The following ANKRD55 variants were observed in gnomAD, a reference collection of about 807,000 sequenced individuals.
ANKRD55 encodes ankyrin repeat domain-containing protein 55.
A neutral mutation model predicts 60.6 loss-of-function variants in ANKRD55; 41 were observed. The ratio of observed to expected loss-of-function variants is 0.68; its 90% CI spans 0.53 to 0.88. The LOEUF (loss-of-function observed/expected upper bound fraction) is 0.88, where lower values mean the gene tolerates loss of function less well. ANKRD55 is among the 40% of genes least tolerant of loss of function. ANKRD55 has a pLI of 0.00. For synonymous variants in ANKRD55, 264 were observed against 290.3 expected (o/e 0.91, Z 0.92); for missense variants, 732 against 767.6 (o/e 0.95, Z 0.55).
chr5:56,162,145 CT>C, intron 5 of ANKRD55: 1 of 478,318 alleles, frequency 2.1e-6, no homozygotes, highest in African/African-American at 2.1e-5. Flanking sequence ...TTGGTTACTC[CT>C]GAGCAGACAG....
At chr5:56,188,240 G>A (rs1362657049) in intron 2 of ANKRD55, among the ~76,000 whole-genome samples, 1 of 152,086 alleles carries the variant, frequency 6.6e-6, no homozygotes, top group East Asian at 1.9e-4. Flanking sequence ...GGGTTGTCGA[G>A]AACAATACTG....
intron 8 of ANKRD55, among the ~76,000 whole-genome samples, chr5:56,122,229 C>T (rs1267485268): frequency 6.6e-6 from 1 of 152,166 alleles, no homozygotes; most frequent in Non-Finnish European, 1.5e-5. Context: ...AGGCAGTTGC[C>T]AGCAGGAGAT....
chr5:56,141,818 A>G (rs1757777864), intron 7 of ANKRD55, among the ~76,000 whole-genome samples: 1 of 152,154 alleles, frequency 6.6e-6, no homozygotes, highest in Non-Finnish European at 1.5e-5. Context: ...AATAAAAATG[A>G]CCATTTCGTC....
intron 11 of ANKRD55, 39 bp downstream of exon 11, chr5:56,102,455 C>A: frequency 2.2e-6 from 3 of 1,375,938 alleles, no homozygotes; most frequent in Non-Finnish European, 3.1e-6. Context: ...GATATGTTAA[C>A]ACTTGCAAAG....
chr5:56,136,622 T>A (rs1226090558), intron 7 of ANKRD55, among the ~76,000 whole-genome samples: 1 of 152,072 alleles, frequency 6.6e-6, no homozygotes, highest in Non-Finnish European at 1.5e-5. Context: ...CAGACCTAAA[T>A]GTAAAACCTA....
chr5:56,195,437 T>C (rs1759206896), intron 2 of ANKRD55, among the ~76,000 whole-genome samples: 2 of 152,074 alleles, frequency 1.3e-5, no homozygotes, highest in Non-Finnish European at 2.9e-5. Context: ...TACTCTGCTG[T>C]TTAGCTAAAC....
At chr5:56,193,560 C>A in intron 2 of ANKRD55, 1 of 371,540 alleles carries the variant, frequency 2.7e-6, no homozygotes, top group South Asian at 3.6e-5. Flanking sequence ...ATCAAGCTAC[C>A]TTACCTGAAA....
intron 2 of ANKRD55, among the ~76,000 whole-genome samples, chr5:56,203,905 C>T (rs1215639415): frequency 2.6e-5 from 4 of 151,936 alleles, no homozygotes; most frequent in African/African-American, 4.8e-5. Flanking sequence ...CCTGAGGAAT[C>T]GCCACACTGA....
chr5:56,189,857 T>C (rs539662465), intron 2 of ANKRD55, among the ~76,000 whole-genome samples: 1 of 152,340 alleles, frequency 6.6e-6, no homozygotes, highest in East Asian at 1.9e-4. Context: ...AATTGCTAGA[T>C]CATGTGATAA....
intron 2 of ANKRD55, among the ~76,000 whole-genome samples, chr5:56,211,568 T>C (rs543931918): frequency 3.3e-5 from 5 of 152,350 alleles, no homozygotes; most frequent in African/African-American, 1.2e-4. Context: ...TCCCGCCCTC[T>C]GACCCCTGTG....
intron 6 of ANKRD55, among the ~76,000 whole-genome samples, chr5:56,150,495 T>C (rs1758013933): frequency 6.6e-6 from 1 of 151,652 alleles, no homozygotes; most frequent in Admixed American, 6.6e-5. Flanking sequence ...TCCCAGCTAC[T>C]TGGGAGGCTG....
intron 7 of ANKRD55, among the ~76,000 whole-genome samples, chr5:56,137,807 A>G (rs1385310650): frequency 2.0e-5 from 3 of 152,250 alleles, no homozygotes; most frequent in Admixed American, 6.5e-5. Context: ...CAAAATATGC[A>G]AAGAACTCCT....
Position 56,134,256 on chromosome 5 carries a change from A to G in ANKRD55, c.613-7150T>C, listed in dbSNP as rs1441200532. 1.7e-5 allele frequency among the ~76,000 whole-genome samples: 2 copies of G among 115,862 alleles called. 1 individual carries two copies. Among genetic ancestry groups the G allele is most frequent in the Non-Finnish European group, 4.1e-5 (2 of 48,798 alleles). 76.0% of individuals were successfully genotyped at this position (115,862 alleles called of 152,430 possible). A position where few individuals can be genotyped will look rare whatever the true frequency, so the allele number is the denominator to read the frequency against. ...CCAAAACACCCACAAGGAGAAATAGATAATCTGAATACGTTTATGTCTATT... is the reference window on the plus strand; with the variant it reads ...CCAAAACACCCACAAGGAGAAATAGGTAATCTGAATACGTTTATGTCTATT... On this transcript the variant is annotated intron_variant, in intron 7 of 11. Transcript: ENST00000341048.
rs142791977 is a variant in ANKRD55 at position 56,221,686 on chromosome 5, C to A, written c.58+11170G>T. On this transcript the variant is annotated intron_variant, in intron 2 of 11. Transcript: ENST00000341048. ...TCCAACCATCTTAGCAAATGGCACA[C>A]CAGGAGATTATATCCCGTGCCTAGC... Among the ~76,000 whole-genome samples the A allele has an allele frequency of 1.7e-3, 253 of 152,372 alleles. 1 individual carries two copies. Among genetic ancestry groups the A allele is most frequent in the Middle Eastern group, 6.8e-3 (2 of 294 alleles).
chr5:56,205,237 T>G (rs535931329), intron 2 of ANKRD55, among the ~76,000 whole-genome samples: 24 of 152,170 alleles, frequency 1.6e-4, no homozygotes, highest in African/African-American at 5.8e-4. Flanking sequence ...ATTTTTGTAT[T>G]TTTAGTAGAG....
At chr5:56,131,141 AT>A (rs1163493641) in intron 7 of ANKRD55, among the ~76,000 whole-genome samples, 2 of 149,504 alleles carry the variant, frequency 1.3e-5, no homozygotes, top group Non-Finnish European at 3.0e-5. Context: ...ACCAAGCACG[AT>A]AAATGCCAAA....
intron 1 of ANKRD55, 92 bp downstream of exon 1, chr5:56,233,149 T>G: frequency 1.8e-6 from 1 of 555,758 alleles, no homozygotes; most frequent in Non-Finnish European, 3.2e-6. Context: ...ATTCATCAGC[T>G]GTACATGGGC....
intron 7 of ANKRD55, among the ~76,000 whole-genome samples, chr5:56,139,730 T>C (rs1165080453): frequency 1.6e-4 from 25 of 152,212 alleles, no homozygotes. Flanking sequence ...GGTATAATAA[T>C]AGCTATGTTA....
intron 7 of ANKRD55, among the ~76,000 whole-genome samples, chr5:56,132,424 CAA>C (rs34289990): frequency 4.8e-4 from 58 of 120,338 alleles, no homozygotes; most frequent in Non-Finnish European, 5.4e-4. Context: ...ACTTAAAATA[CAA>C]AAAAAAAAAA....
Sources: allele counts gnomAD v4.1 joint callset (sites outside exome capture counted in the v4.1 genomes callset), GRCh38; gene constraint gnomAD v4.1.1; transcripts MANE v1.5; gene names NCBI Gene and HGNC (gene_info 2026-07-23, HGNC 2026-07-21).